Variants in STK39 observed in about 807,000 individuals in gnomAD.
The protein encoded by STK39 is serine/threonine kinase 39, also known as STE20/SPS1-related proline-alanine-rich protein kinase.
STK39 carries 20 observed loss-of-function variants against 77.8 expected under a neutral mutation model. That is an observed-to-expected ratio of 0.26 (90% confidence interval 0.18 to 0.37). The LOEUF (loss-of-function observed/expected upper bound fraction) is 0.37, where lower values mean the gene tolerates loss of function less well. Among genes scored for constraint, STK39 ranks in the 10% least tolerant of loss-of-function variants. The pLI, the probability that STK39 is intolerant of heterozygous loss-of-function variation, is 1.00. For synonymous variants in STK39, 246 were observed against 234.1 expected (o/e 1.05, Z -0.47); for missense variants, 479 against 656.5 (o/e 0.73, Z 2.95).
intron 5 of STK39, among the ~76,000 whole-genome samples, chr2:168,156,436 G>A (rs1688430905): frequency 6.6e-6 from 1 of 152,164 alleles, no homozygotes; most frequent in Admixed American, 6.5e-5. Context: ...CTACACTGCA[G>A]ATTCTTCACT....
chr2:168,071,869 C>CAAA (rs201293469), intron 12 of STK39, among the ~76,000 whole-genome samples: 2 of 105,484 alleles, frequency 1.9e-5, no homozygotes, highest in East Asian at 2.6e-4. Context: ...GACTCCATCT[C>CAAA]AAAAAAAAAA....
rs114232010 is a variant in STK39, at chr2:167,986,212, A to G, written c.1499-21486T>C. 5.2e-3 allele frequency among the ~76,000 whole-genome samples: 798 copies of G among 152,304 alleles called. 9 individuals carry two copies. The highest frequency in any genetic ancestry group is 0.018 in the African/African-American group (756 of 41,558). The stretch of plus-strand genomic sequence containing the variant: ...CAACTACAATTGTGATGATTATCAA[A>G]AAGTTTTTTTGCTTACTGTTATCAG... On this transcript the variant is annotated intron_variant, in intron 16 of 17. Transcript: ENST00000355999.
At chr2:168,083,563 T>C (rs1278269414) in intron 10 of STK39, among the ~76,000 whole-genome samples, 1 of 151,980 alleles carries the variant, frequency 6.6e-6, no homozygotes, top group African/African-American at 2.4e-5. Flanking sequence ...ATAAAAAAGA[T>C]ACAAATCATG....
chr2:168,143,691 C>T (rs1688055020), intron 5 of STK39, among the ~76,000 whole-genome samples: 1 of 149,256 alleles, frequency 6.7e-6, no homozygotes, highest in Non-Finnish European at 1.5e-5. Context: ...TCTGGCCTGG[C>T]AAGAGAGCAA....
At chr2:168,159,725 G>A (rs1688521808) in intron 5 of STK39, among the ~76,000 whole-genome samples, 1 of 152,120 alleles carries the variant, frequency 6.6e-6, no homozygotes, top group Non-Finnish European at 1.5e-5. Flanking sequence ...ATACATCTGG[G>A]AAATGGCCAT....
chr2:168,020,370 A>G (rs1684539640), intron 14 of STK39, among the ~76,000 whole-genome samples: 2 of 152,090 alleles, frequency 1.3e-5, no homozygotes, highest in Admixed American at 6.6e-5. Flanking sequence ...GAATCTTACA[A>G]TTGTTTCTGC....
chr2:168,143,532 G>C (rs952218524), intron 5 of STK39, among the ~76,000 whole-genome samples: 1 of 152,156 alleles, frequency 6.6e-6, no homozygotes, highest in African/African-American at 2.4e-5. Flanking sequence ...CCAACATGGT[G>C]AAACCCCATC....
chr2:168,099,864 A>G (rs1219123114), intron 10 of STK39, among the ~76,000 whole-genome samples: 1 of 152,208 alleles, frequency 6.6e-6, no homozygotes, highest in East Asian at 1.9e-4. Context: ...CTTCATAGCA[A>G]CAATGCAATT....
At chr2:168,029,029 C>T (rs987945329) in intron 14 of STK39, among the ~76,000 whole-genome samples, 2 of 152,224 alleles carry the variant, frequency 1.3e-5, no homozygotes, top group Admixed American at 6.5e-5. Flanking sequence ...CAAACTGTTA[C>T]AAACTCTAAC....
rs1687631007 is a variant in STK39 at position 168,129,692 on chromosome 2, G to A, written c.1023+18C>T. ...ATTTCAAAAATAGCAGATTTACTTG[G>A]GTTTTTAAGCATGTTACCTTGGCTT... is the stretch of plus-strand genomic sequence containing the variant. On this transcript the variant is annotated intron_variant, in intron 9 of 17. Coordinates refer to ENST00000355999, the MANE Select transcript of STK39 (RefSeq NM_013233.3). 1.2e-6 allele frequency: 2 copies of A among 1,613,950 alleles called. No homozygotes were observed. Among genetic ancestry groups the A allele is most frequent in the East Asian group, 4.5e-5 (2 of 44,854 alleles).
At position 168,018,519 on chromosome 2, in the gene STK39, G is replaced by GA. The variant is rs201867615; in HGVS notation, c.1377-1425dup. Among the ~76,000 whole-genome samples the GA allele has an allele frequency of 5.1e-3, 427 of 84,398 alleles. 8 individuals carry two copies. Among genetic ancestry groups the GA allele is most frequent in the African/African-American group, 0.029 (415 of 14,250 alleles). The allele number at this position is 84,398 out of a possible 152,430, so 55.4% of individuals were successfully genotyped here. On this transcript the variant is annotated intron_variant, in intron 14 of 17. Transcript: ENST00000355999. Reference sequence around the variant, plus strand: ...TTTTTAAGAAAAGAAAGAAAAGAAAGAAAAGAAAGAAAAGAAAGAAAAGAA... The same window carrying GA: ...TTTTTAAGAAAAGAAAGAAAAGAAAGAAAAAGAAAGAAAAGAAAGAAAAGAA...
At chr2:168,008,245 GAAT>G (rs1260550572) in intron 16 of STK39, among the ~76,000 whole-genome samples, 3 of 152,222 alleles carry the variant, frequency 2.0e-5, no homozygotes, top group Admixed American at 6.5e-5. Flanking sequence ...GCAAAGGGAT[GAAT>G]ACAAGAACTC....
chr2:168,232,600 T>C (rs1466904528), intron 1 of STK39, among the ~76,000 whole-genome samples: 4 of 152,160 alleles, frequency 2.6e-5, no homozygotes, highest in Non-Finnish European at 5.9e-5. Flanking sequence ...TATTATCTAT[T>C]TCCAATGGGC....
At chr2:168,170,598 G>A (rs1248893885) in intron 2 of STK39, among the ~76,000 whole-genome samples, 1 of 152,188 alleles carries the variant, frequency 6.6e-6, no homozygotes, top group Non-Finnish European at 1.5e-5. Context: ...TCCATGTGAT[G>A]CTGATGCTGT....
chr2:168,153,740 G>A (rs6714609), intron 5 of STK39, among the ~76,000 whole-genome samples: 61,824 of 151,832 alleles, frequency 0.41, 14,350 homozygotes, highest in East Asian at 0.67. Flanking sequence ...AAGAAGGAAC[G>A]GCCCATGCAA....
chr2:168,139,608 A>C (rs1392124884), intron 7 of STK39, among the ~76,000 whole-genome samples: 1 of 152,064 alleles, frequency 6.6e-6, no homozygotes, highest in Non-Finnish European at 1.5e-5. Flanking sequence ...AAATCCTCCC[A>C]AATTTTTCCA....
intron 14 of STK39, among the ~76,000 whole-genome samples, chr2:168,030,656 A>G (rs1340107595): frequency 1.3e-5 from 2 of 152,216 alleles, no homozygotes; most frequent in Non-Finnish European, 2.9e-5. Flanking sequence ...GTGGTACTGC[A>G]AGATAATTAA....
intron 2 of STK39, among the ~76,000 whole-genome samples, chr2:168,170,942 C>G (rs1451293698): frequency 6.6e-6 from 1 of 152,142 alleles, no homozygotes; most frequent in Non-Finnish European, 1.5e-5. Flanking sequence ...AAAAATCCCA[C>G]GAGGTCAAAG....
chr2:167,958,477 T>C (rs148926996), intron 17 of STK39, among the ~76,000 whole-genome samples: 2 of 152,170 alleles, frequency 1.3e-5, no homozygotes, highest in Non-Finnish European at 1.5e-5. Context: ...AAAATAACCA[T>C]AGTTCCCCTA....
Sources: allele counts gnomAD v4.1 joint callset (sites outside exome capture counted in the v4.1 genomes callset), GRCh38; gene constraint gnomAD v4.1.1; transcripts MANE v1.5; gene names NCBI Gene and HGNC (gene_info 2026-07-23, HGNC 2026-07-21).